NSL1: variants seen among roughly 807,000 people sequenced by gnomAD.
NSL1 encodes kinetochore-associated protein NSL1 homolog.
A neutral mutation model predicts 25.4 loss-of-function variants in NSL1; 11 were observed. That is an observed-to-expected ratio of 0.43 (90% CI 0.27 to 0.72). NSL1 has a LOEUF of 0.72. Among genes scored for constraint, NSL1 ranks in the 30% least tolerant of loss-of-function variants. The pLI is 0.19. For synonymous variants in NSL1, 118 were observed against 120.6 expected (o/e 0.98, Z 0.14); for missense variants, 330 against 342.7 (o/e 0.96, Z 0.29).
At position 212,737,440 on chromosome 1, in the gene NSL1, G is replaced by C. The variant is rs1238506295; in HGVS notation, c.*968C>G. 1 of 985,120 alleles carries C rather than the reference G, an allele frequency of 1.0e-6. No homozygotes were observed. The highest frequency in any genetic ancestry group is 1.2e-6 in the Non-Finnish European group (1 of 829,768). 61.0% of individuals were successfully genotyped at this position (985,120 alleles called of 1,614,324 possible). On this transcript the variant is annotated 3_prime_UTR_variant, in exon 6 of 6. Coordinates refer to ENST00000366977, the MANE Select transcript of NSL1 (RefSeq NM_015471.4). ...CATCAAAAGGGGAAACAGTTGGTAA[G>C]TTTGATGGCCCTGCCTACACTGTAT...
At chr1:212,781,830 C>T in intron 4 of NSL1, 1 of 196,040 alleles carries the variant, frequency 5.1e-6, no homozygotes, top group South Asian at 8.3e-5. Context: ...AGTTCTGCTG[C>T]TGGATTTACA....
chr1:212,749,330 TTTTA>T (rs1318319033), intron 4 of NSL1, among the ~76,000 whole-genome samples: 1 of 144,706 alleles, frequency 6.9e-6, no homozygotes, highest in Non-Finnish European at 1.5e-5. Context: ...GGATTTTGCG[TTTTA>T]TTGTGTTTTT....
intron 4 of NSL1, chr1:212,766,176 A>G (rs1434765533): frequency 1.6e-6 from 1 of 613,988 alleles, no homozygotes; most frequent in Admixed American, 2.9e-5. Flanking sequence ...AACTAGGCAA[A>G]GAAGAGACTT....
At chr1:212,780,701 T>G (rs898771747) in intron 4 of NSL1, among the ~76,000 whole-genome samples, 1 of 152,192 alleles carries the variant, frequency 6.6e-6, no homozygotes, top group Non-Finnish European at 1.5e-5. Context: ...TTCATATGAT[T>G]CTACCAGTTC....
rs1658264180 is a variant in NSL1 at position 212,737,249 on chromosome 1, G to A, written c.*1159C>T. On this transcript the variant is annotated 3_prime_UTR_variant, in exon 6 of 6. Transcript: ENST00000366977. Reference sequence around the variant, plus strand: ...AAACTGTAACACTGAAACACAAAATGCAACAAAGTGGCTTTATAAGTTTTC... The same window carrying A: ...AAACTGTAACACTGAAACACAAAATACAACAAAGTGGCTTTATAAGTTTTC... The A allele has an allele frequency of 1.0e-6, 1 of 985,282 alleles. No homozygotes were observed. The highest frequency in any genetic ancestry group is 1.2e-6 in the Non-Finnish European group (1 of 829,812). 61.0% of individuals were successfully genotyped at this position (985,282 alleles called of 1,614,324 possible). A position where few individuals can be genotyped will look rare whatever the true frequency, so the allele number is the denominator to read the frequency against.
chr1:212,787,510 G>T, intron 2 of NSL1, 49 bp downstream of exon 2: 4 of 1,371,828 alleles, frequency 2.9e-6, no homozygotes, highest in Non-Finnish European at 4.0e-6. Flanking sequence ...AACAAAATTA[G>T]CTGCAAAAAT....
rs1367614388 is a variant in NSL1 at position 212,728,927 on chromosome 1, T to A, written c.*9481A>T. The A allele has an allele frequency of 1.0e-6, 1 of 985,434 alleles. No individual in the cohort carries two copies. The highest frequency in any genetic ancestry group is 1.2e-6 in the Non-Finnish European group (1 of 829,926). 61.0% of individuals were successfully genotyped at this position (985,434 alleles called of 1,614,324 possible). On this transcript the variant is annotated 3_prime_UTR_variant, in exon 6 of 6. Coordinates refer to ENST00000366977, the MANE Select transcript of NSL1 (RefSeq NM_015471.4). ...TGGCAAAGAGCAGTGTTTATTTGTG[T>A]GTTTGAACGTTTGTTCCCTTTGAAT... is the stretch of plus-strand genomic sequence containing the variant.
At chr1:212,776,014 A>G in intron 4 of NSL1, among the ~76,000 whole-genome samples, 1 of 152,104 alleles carries the variant, frequency 6.6e-6, no homozygotes, top group Non-Finnish European at 1.5e-5. Context: ...TTTTTAGTAG[A>G]GACGGGGTTT....
intron 4 of NSL1, among the ~76,000 whole-genome samples, chr1:212,744,152 G>A (rs952487338): frequency 6.6e-6 from 1 of 152,116 alleles, no homozygotes; most frequent in Non-Finnish European, 1.5e-5. Flanking sequence ...GAAGGCAAAG[G>A]CCGTTATGAA....
intron 4 of NSL1, among the ~76,000 whole-genome samples, chr1:212,743,365 A>G (rs1375356805): frequency 6.6e-6 from 1 of 151,852 alleles, no homozygotes; most frequent in Non-Finnish European, 1.5e-5. Flanking sequence ...GGGTTTCACC[A>G]TGTTAGCCAG....
At chr1:212,739,243 A>AT (rs1258996207) in intron 5 of NSL1, among the ~76,000 whole-genome samples, 1 of 152,148 alleles carries the variant, frequency 6.6e-6, no homozygotes, top group African/African-American at 2.4e-5. Context: ...TATTCAATAC[A>AT]TTTTAGCTGG....
rs775542047 is a variant in NSL1 at position 212,791,097 on chromosome 1, G to A, written c.234+433C>T. On this transcript the variant is annotated intron_variant, in intron 1 of 5. Coordinates refer to ENST00000366977, the MANE Select transcript of NSL1 (RefSeq NM_015471.4). ...ACTAGCCACTTTGTAGTTACTGAGC[G>A]CTTAAATGTAACTAGTTCGAAGATG... Among the ~76,000 whole-genome samples the A allele has an allele frequency of 7.0e-4, 106 of 152,052 alleles. 1 individual carries two copies. The highest frequency in any genetic ancestry group is 9.1e-4 in the Non-Finnish European group (62 of 67,980).
Position 212,738,659 on chromosome 1 carries a change from C to T in NSL1, c.595G>A (p.Glu199Lys). Residue 199 changes from glutamate (E) to lysine (K), a missense_variant, in exon 6 of 6, where the codon GAG (glutamate) becomes AAG (lysine). By Grantham distance (56) the Glu-to-Lys change is moderately conservative. Coordinates refer to ENST00000366977, the MANE Select transcript of NSL1 (RefSeq NM_015471.4). ...ATCCTGAGAACTTGGGAAAATCCCT[C>T]TCCTTGTTCAATTAATGCAGGCAAG... is the stretch of plus-strand genomic sequence containing the variant. ...KSLPALIEQG[E>K]GFSQVLRMQP... 6.2e-7 allele frequency: 1 copy of T among 1,613,890 alleles called. No homozygotes were observed. Among genetic ancestry groups the T allele is most frequent in the Non-Finnish European group, 8.5e-7 (1 of 1,179,914 alleles).
At position 212,736,641 on chromosome 1, in the gene NSL1, T is replaced by A; in HGVS notation, c.*1767A>T. The A allele has an allele frequency of 1.0e-6, 1 of 985,306 alleles. No individual in the cohort carries two copies. 61.0% of individuals were successfully genotyped at this position (985,306 alleles called of 1,614,324 possible). A position where few individuals can be genotyped will look rare whatever the true frequency, so the allele number is the denominator to read the frequency against. ...ATAACTATGGAGTAAAACTTTGGGC[T>A]CTCAAGAGGATTTCAAATCTCAGCT... On this transcript the variant is annotated 3_prime_UTR_variant, in exon 6 of 6. Transcript: ENST00000366977.
chr1:212,786,363 A>T (rs1293068620), intron 2 of NSL1, among the ~76,000 whole-genome samples: 1 of 152,070 alleles, frequency 6.6e-6, no homozygotes, highest in Non-Finnish European at 1.5e-5. Context: ...TTTATCCATT[A>T]AAAAAGTTAA....
rs138363214 is a variant in NSL1, at chr1:212,773,192, T to A, written c.499+9180A>T. ...ACAAAAACAGACAAATGGGATTACA[T>A]CAAACTAAAAAGTTTCTGCACAGCA... is the stretch of plus-strand genomic sequence containing the variant. On this transcript the variant is annotated intron_variant, in intron 4 of 5. Coordinates refer to ENST00000366977, the MANE Select transcript of NSL1 (RefSeq NM_015471.4). Among the ~76,000 whole-genome samples, 43 of 152,206 alleles carry A rather than the reference T, an allele frequency of 2.8e-4. 1 individual carries two copies. The East Asian group carries it at 7.7e-3, about 27-fold the overall frequency.
In NSL1 at chr1:212,729,041, A is replaced by G; in HGVS notation, c.*9367T>C. ...TCAATCTGAAATTTTTTTTAAAGGA[A>G]GAATACTTGGGTTGGGCTTACAAGA... On this transcript the variant is annotated 3_prime_UTR_variant, in exon 6 of 6. Transcript: ENST00000366977. 1.0e-6 allele frequency: 1 copy of G among 985,450 alleles called. No individual in the cohort carries two copies. The highest frequency in any genetic ancestry group is 1.2e-6 in the Non-Finnish European group (1 of 829,908). The allele number at this position is 985,450 out of a possible 1,614,324, so 61.0% of individuals were successfully genotyped here.
chr1:212,739,305 T>C (rs1658386033), intron 5 of NSL1, among the ~76,000 whole-genome samples: 1 of 152,160 alleles, frequency 6.6e-6, no homozygotes, highest in Non-Finnish European at 1.5e-5. Context: ...AACACAAAAA[T>C]ATAATCAACC....
At position 212,729,861 on chromosome 1, in the gene NSL1, T is replaced by C. The variant is rs766701382; in HGVS notation, c.*8547A>G. On this transcript the variant is annotated 3_prime_UTR_variant, in exon 6 of 6. Coordinates refer to ENST00000366977, the MANE Select transcript of NSL1 (RefSeq NM_015471.4). ...GGGCAGTGATGTGTGGACGAAGGGGTTGCTGGGGTGACCCAGGCAGCAAGG... is the reference window on the plus strand; with the variant it reads ...GGGCAGTGATGTGTGGACGAAGGGGCTGCTGGGGTGACCCAGGCAGCAAGG... 1.4e-4 allele frequency: 135 copies of C among 984,844 alleles called. No individual in the cohort carries two copies. The Middle Eastern group carries it at 2.1e-3, about 15-fold the overall frequency. 61.0% of individuals were successfully genotyped at this position (984,844 alleles called of 1,614,324 possible).
Sources: allele counts gnomAD v4.1 joint callset (sites outside exome capture counted in the v4.1 genomes callset), GRCh38; gene constraint gnomAD v4.1.1; transcripts MANE v1.5; gene names NCBI Gene and HGNC (gene_info 2026-07-23, HGNC 2026-07-21).